The following ABHD18 variants were observed in gnomAD, a reference collection of about 807,000 sequenced individuals.
ABHD18 encodes cardiolipin-specific deacylase, mitochondrial.
In ABHD18, 55 loss-of-function variants were observed where a neutral mutation model predicts 65.9. The ratio of observed to expected loss-of-function variants is 0.84; its 90% CI spans 0.67 to 1.05. The LOEUF (loss-of-function observed/expected upper bound fraction) is 1.05, where lower values mean the gene tolerates loss of function less well. Among genes scored for constraint, ABHD18 ranks in the 50% least tolerant of loss-of-function variants. ABHD18 has a pLI of 0.00. For missense variants in ABHD18, 533 were observed against 558.5 expected, an observed-to-expected ratio of 0.95 and a Z score of 0.46; for synonymous variants, 181 against 180.2, an observed-to-expected ratio of 1.00 and a Z score of -0.04.
At chr4:127,998,269 T>A (rs2149104755) in intron 4 of ABHD18, among the ~76,000 whole-genome samples, 1 of 150,702 alleles carries the variant, frequency 6.6e-6, no homozygotes, top group African/African-American at 2.4e-5. Flanking sequence ...TTGTAAATTT[T>A]TCAAGACGTT....
chr4:128,007,505 G>C (rs188749801), intron 4 of ABHD18, among the ~76,000 whole-genome samples: 1 of 152,016 alleles, frequency 6.6e-6, no homozygotes, highest in African/African-American at 2.4e-5. Flanking sequence ...ACTTTGGGAG[G>C]CTAAGGCGGG....
intron 1 of ABHD18, among the ~76,000 whole-genome samples, chr4:127,976,869 G>T (rs541297486): frequency 1.3e-5 from 2 of 152,030 alleles, no homozygotes; most frequent in Non-Finnish European, 2.9e-5. Context: ...CTGAAACCCC[G>T]TCTCTACTAA....
chr4:127,991,343 C>T (rs572028064), intron 4 of ABHD18, among the ~76,000 whole-genome samples: 4 of 152,284 alleles, frequency 2.6e-5, no homozygotes, highest in Non-Finnish European at 5.9e-5. Context: ...TCTCCTGCTG[C>T]AGTCTCCGGA....
At chr4:128,030,209 G>A (rs1185296089) in intron 11 of ABHD18, among the ~76,000 whole-genome samples, 1 of 152,130 alleles carries the variant, frequency 6.6e-6, no homozygotes, top group Non-Finnish European at 1.5e-5. Flanking sequence ...GTACTCTGAT[G>A]TGATTATTAT....
chr4:128,031,594 G>A (rs191386581), intron 12 of ABHD18, among the ~76,000 whole-genome samples: 2 of 152,194 alleles, frequency 1.3e-5, no homozygotes, highest in Non-Finnish European at 2.9e-5. Context: ...TCAGTGCCCT[G>A]TACATAAGTG....
chr4:127,974,190 T>G (rs1030901963), intron 1 of ABHD18, among the ~76,000 whole-genome samples: 8 of 114,442 alleles, frequency 7.0e-5, no homozygotes, highest in African/African-American at 2.5e-4. Flanking sequence ...TAAGTTCTGT[T>G]TTTTTTTTTT....
intron 6 of ABHD18, among the ~76,000 whole-genome samples, chr4:128,010,542 G>T (rs1390265671): frequency 2.0e-5 from 3 of 149,984 alleles, no homozygotes; most frequent in Non-Finnish European, 4.4e-5. Context: ...AAAAAAGAAA[G>T]AAAAGGAAAT....
At position 128,028,518 on chromosome 4, in the gene ABHD18, C is replaced by T; in HGVS notation, c.845C>T (p.Thr282Ile). The T allele has an allele frequency of 1.2e-6, 2 of 1,600,736 alleles. No homozygotes were observed. The highest frequency in any genetic ancestry group is 1.7e-6 in the Non-Finnish European group (2 of 1,174,498). The change falls in exon 11 of 13, where the codon ACT becomes ATT. Residue 282 changes from threonine (T) to isoleucine (I), a missense_variant. By Grantham distance (89) the Thr-to-Ile change is moderately conservative (BLOSUM62 -1). Transcript: ENST00000645843. ...GGACAAGAGTTTGTGAAACACTTCA[C>T]TAGCAGTGCAGACAAGCTAACTAAC... ...KMGQEFVKHFTSSADKLTNLN... is the reference protein window; with the variant it reads ...KMGQEFVKHFISSADKLTNLN...
At chr4:128,027,628 T>A (rs998429089) in intron 10 of ABHD18, among the ~76,000 whole-genome samples, 3 of 152,066 alleles carry the variant, frequency 2.0e-5, no homozygotes, top group Non-Finnish European at 2.9e-5. Flanking sequence ...ATGGTGTCGA[T>A]CTCCTGACCT....
At chr4:127,998,491 G>A (rs916849338) in intron 4 of ABHD18, among the ~76,000 whole-genome samples, 10 of 150,974 alleles carry the variant, frequency 6.6e-5, no homozygotes, top group East Asian at 3.9e-4. Context: ...CGCCTGCCTC[G>A]GCCTCCCAAA....
chr4:127,966,902 C>G (rs1405131307), intron 1 of ABHD18, among the ~76,000 whole-genome samples: 1 of 147,566 alleles, frequency 6.8e-6, no homozygotes, highest in African/African-American at 2.5e-5. Flanking sequence ...AAAAAAAAAC[C>G]AAAAACCTTG....
At chr4:127,975,871 G>A (rs776332616) in intron 1 of ABHD18, among the ~76,000 whole-genome samples, 4 of 151,810 alleles carry the variant, frequency 2.6e-5, no homozygotes, top group Non-Finnish European at 5.9e-5. Flanking sequence ...TGTCACCCAG[G>A]CTAGAGTGCA....
At position 128,034,239 on chromosome 4, in the gene ABHD18, A is replaced by G. The variant is rs558953045; in HGVS notation, c.1344-1523A>G. Among the ~76,000 whole-genome samples, 48 of 152,068 alleles carry G rather than the reference A, an allele frequency of 3.2e-4. No individual in the cohort carries two copies. The South Asian group carries it at 8.5e-3, about 27-fold the overall frequency. The stretch of plus-strand genomic sequence containing the variant: ...TCCAAAGTGCTGGGATTACAGGCGT[A>G]AGCCACCGCGCCTGGCCTAGACATG... On this transcript the variant is annotated intron_variant, in intron 12 of 12. Coordinates refer to ENST00000645843, the MANE Select transcript of ABHD18 (RefSeq NM_001358451.3).
intron 1 of ABHD18, among the ~76,000 whole-genome samples, chr4:127,968,701 A>T (rs1231022099): frequency 6.6e-6 from 1 of 152,192 alleles, no homozygotes; most frequent in African/African-American, 2.4e-5. Flanking sequence ...TTTCACATTG[A>T]TAACTGTGTC....
At chr4:128,033,618 C>T (rs1758516928) in intron 12 of ABHD18, among the ~76,000 whole-genome samples, 1 of 149,728 alleles carries the variant, frequency 6.7e-6, no homozygotes, top group Admixed American at 6.8e-5. Context: ...TCACTGCAAC[C>T]TCCACCTCCT....
Position 127,998,970 on chromosome 4 carries a change from C to T in ABHD18, c.278+9149C>T, listed in dbSNP as rs569950305. Among the ~76,000 whole-genome samples, 7 of 152,016 alleles carry T rather than the reference C, an allele frequency of 4.6e-5. No homozygotes were observed. The East Asian group carries it at 1.2e-3, about 25-fold the overall frequency. Reference sequence around the variant, plus strand: ...AATCCAAAGCAAAGCAGTTATGCAGCTATGGAAGCGATATAGTTGTTCATT... The same window carrying T: ...AATCCAAAGCAAAGCAGTTATGCAGTTATGGAAGCGATATAGTTGTTCATT... On this transcript the variant is annotated intron_variant, in intron 4 of 12. Transcript: ENST00000645843.
At chr4:128,034,418 A>C (rs1002093353) in intron 12 of ABHD18, among the ~76,000 whole-genome samples, 1 of 152,096 alleles carries the variant, frequency 6.6e-6, no homozygotes, top group African/African-American at 2.4e-5. Context: ...GCTTTAGAAA[A>C]AAATATGAGT....
chr4:127,970,421 C>T (rs182052520), intron 1 of ABHD18, among the ~76,000 whole-genome samples: 7 of 149,954 alleles, frequency 4.7e-5, no homozygotes, highest in Admixed American at 2.0e-4. Context: ...GGAGAAACCC[C>T]GTCTCTACTA....
chr4:127,992,923 T>C (rs1191296531), intron 4 of ABHD18, among the ~76,000 whole-genome samples: 1 of 152,074 alleles, frequency 6.6e-6, no homozygotes, highest in Non-Finnish European at 1.5e-5. Context: ...AGAAAGACCC[T>C]GTCTCTACCA....
Sources: allele counts gnomAD v4.1 joint callset (sites outside exome capture counted in the v4.1 genomes callset), GRCh38; gene constraint gnomAD v4.1.1; transcripts MANE v1.5; gene names NCBI Gene and HGNC (gene_info 2026-07-23, HGNC 2026-07-21).